TAFA2: variants seen among roughly 807,000 people sequenced by gnomAD.
TAFA2 encodes the protein chemokine-like protein TAFA-2.
TAFA2 carries 7 observed loss-of-function variants against 18.8 expected under a neutral mutation model. The observed-to-expected ratio is 0.37, with a 90% CI of 0.21 to 0.70. TAFA2 has a LOEUF of 0.70. TAFA2 is among the 30% of genes least tolerant of loss of function. The probability of loss-of-function intolerance (pLI) is 0.53; values close to 1 mark genes in which losing one functional copy is unlikely to be tolerated. For missense variants in TAFA2, 122 were observed against 158.1 expected (o/e 0.77, Z 1.23); for synonymous variants, 60 against 54.2 (o/e 1.11, Z -0.47).
chr12:61,738,943 G>C (rs1207836038), intron 4 of TAFA2, among the ~76,000 whole-genome samples: 1 of 152,060 alleles, frequency 6.6e-6, no homozygotes, highest in Non-Finnish European at 1.5e-5. Context: ...TGAGTTATGA[G>C]AAAACTGGCC....
At chr12:61,823,709 C>A (rs1872415749) in intron 2 of TAFA2, among the ~76,000 whole-genome samples, 1 of 152,174 alleles carries the variant, frequency 6.6e-6, no homozygotes. Context: ...TTCCTTCCCC[C>A]TCCAAACCCA....
At chr12:62,104,276 C>CAAA (rs66467365) in intron 1 of TAFA2, among the ~76,000 whole-genome samples, 20 of 145,906 alleles carry the variant, frequency 1.4e-4, no homozygotes, top group Non-Finnish European at 2.1e-4. Flanking sequence ...TCTTCTGAAG[C>CAAA]AAAAAAAAAA....
intron 1 of TAFA2, among the ~76,000 whole-genome samples, chr12:62,001,773 T>C (rs1215267192): frequency 6.6e-6 from 1 of 152,026 alleles, no homozygotes; most frequent in Non-Finnish European, 1.5e-5. Context: ...CCCTAATATA[T>C]AATGATTCAC....
At chr12:62,014,714 G>C (rs1475117971) in intron 1 of TAFA2, among the ~76,000 whole-genome samples, 3 of 152,152 alleles carry the variant, frequency 2.0e-5, no homozygotes, top group African/African-American at 7.2e-5. Flanking sequence ...AGGCCATAAA[G>C]AAACTTGAAG....
chr12:61,864,137 A>G lies in TAFA2; in HGVS notation c.106+3183T>C, dbSNP rs75481491. ...AAAAACCCTGCCTAAGACTCATGTC[A>G]TACGCAAATTGCCTCTGAAATAATA... On this transcript the variant is annotated intron_variant, in intron 2 of 4. Coordinates refer to ENST00000416284, the MANE Select transcript of TAFA2 (RefSeq NM_178539.5). Among the ~76,000 whole-genome samples, 593 of 152,264 alleles carry G rather than the reference A, an allele frequency of 3.9e-3. 2 individuals are homozygous for G. The highest frequency in any genetic ancestry group is 0.013 in the African/African-American group (553 of 41,558).
At chr12:61,763,076 A>C (rs1178863119) in intron 2 of TAFA2, among the ~76,000 whole-genome samples, 2 of 152,084 alleles carry the variant, frequency 1.3e-5, no homozygotes, top group Non-Finnish European at 2.9e-5. Context: ...AAAATAGCTC[A>C]TATTTTTTAG....
chr12:61,987,665 C>A (rs1202149446), intron 1 of TAFA2, among the ~76,000 whole-genome samples: 4 of 152,130 alleles, frequency 2.6e-5, no homozygotes, highest in African/African-American at 7.2e-5. Context: ...CCAAAAATAA[C>A]CTAATCTAAA....
chr12:61,741,819 C>T (rs1868466178), intron 4 of TAFA2, among the ~76,000 whole-genome samples: 1 of 152,112 alleles, frequency 6.6e-6, no homozygotes, highest in African/African-American at 2.4e-5. Flanking sequence ...AGAGTACATT[C>T]GATTTATCTT....
chr12:61,784,680 G>T (rs1870649839), intron 2 of TAFA2, among the ~76,000 whole-genome samples: 1 of 141,480 alleles, frequency 7.1e-6, no homozygotes. Context: ...GATGTATCTT[G>T]TGATATCTCC....
intron 1 of TAFA2, among the ~76,000 whole-genome samples, chr12:62,122,908 C>T (rs761698930): frequency 5.3e-5 from 8 of 152,132 alleles, no homozygotes; most frequent in Non-Finnish European, 1.0e-4. Context: ...CATGGCCTTT[C>T]TTATGTTGCT....
chr12:61,914,912 C>T (rs1876759864), intron 1 of TAFA2, among the ~76,000 whole-genome samples: 1 of 152,154 alleles, frequency 6.6e-6, no homozygotes, highest in African/African-American at 2.4e-5. Context: ...CCTGTAATCC[C>T]AGCACTTTGG....
At chr12:61,899,602 C>T (rs1876007943) in intron 1 of TAFA2, among the ~76,000 whole-genome samples, 1 of 152,136 alleles carries the variant, frequency 6.6e-6, no homozygotes, top group Non-Finnish European at 1.5e-5. Flanking sequence ...AATCTGTCTC[C>T]ATGATCCAAT....
chr12:61,852,046 G>GAAAACACA (rs1873691853), intron 2 of TAFA2, among the ~76,000 whole-genome samples: 1 of 151,060 alleles, frequency 6.6e-6, no homozygotes, highest in Admixed American at 6.6e-5. Context: ...TGTCTCTACT[G>GAAAACACA]AAAATACAAA....
Position 61,724,794 on chromosome 12 carries a change from T to TATACACCAGATTG in TAFA2, c.385-14378_385-14377insCAATCTGGTGTAT, listed in dbSNP as rs1255469826. 2.2e-4 allele frequency among the ~76,000 whole-genome samples: 28 copies of TATACACCAGATTG among 128,934 alleles called. 2 individuals carry two copies. The Middle Eastern group carries it at 0.016, about 73-fold the overall frequency. 84.6% of individuals were successfully genotyped at this position (128,934 alleles called of 152,430 possible). On this transcript the variant is annotated intron_variant, in intron 4 of 4. Coordinates refer to ENST00000416284, the MANE Select transcript of TAFA2 (RefSeq NM_178539.5). Reference sequence around the variant, plus strand: ...GTGTGTGTGTGTGTGTGTGTGTGTGTGTGTGTGTATACACCAGATGGGTGT... The same window carrying TATACACCAGATTG: ...GTGTGTGTGTGTGTGTGTGTGTGTGTATACACCAGATTGGTGTGTGTATACACCAGATGGGTGT...
chr12:61,827,514 C>A (rs1170345943), intron 2 of TAFA2, among the ~76,000 whole-genome samples: 2 of 151,790 alleles, frequency 1.3e-5, no homozygotes, highest in Non-Finnish European at 2.9e-5. Flanking sequence ...CATCTCAGAG[C>A]CGGAAAAGGG....
intron 1 of TAFA2, among the ~76,000 whole-genome samples, chr12:61,891,759 GA>G (rs1393418292): frequency 6.6e-6 from 1 of 152,078 alleles, no homozygotes; most frequent in Admixed American, 6.6e-5. Context: ...TAGAAATAGT[GA>G]AATAGAGAGA....
At chr12:61,861,734 T>C (rs544910407) in intron 2 of TAFA2, among the ~76,000 whole-genome samples, 1 of 152,334 alleles carries the variant, frequency 6.6e-6, no homozygotes, top group East Asian at 1.9e-4. Context: ...CTAAAAATCA[T>C]CTTTAAAATT....
At chr12:62,178,319 A>C (rs2062528331) in intron 1 of TAFA2, among the ~76,000 whole-genome samples, 1 of 152,148 alleles carries the variant, frequency 6.6e-6, no homozygotes, top group Non-Finnish European at 1.5e-5. Flanking sequence ...TGAAAAAAGA[A>C]AGAGACCTCA....
intron 1 of TAFA2, among the ~76,000 whole-genome samples, chr12:62,170,633 A>T (rs1041847134): frequency 6.6e-6 from 1 of 152,140 alleles, no homozygotes; most frequent in Non-Finnish European, 1.5e-5. Context: ...TTCTATTTGT[A>T]TCAATTTAAG....
Sources: gnomAD v4.1 joint callset for allele counts (sites outside exome capture counted in the v4.1 genomes callset) on GRCh38, gnomAD v4.1.1 for gene constraint, MANE v1.5 for transcripts, NCBI Gene and HGNC (gene_info 2026-07-23, HGNC 2026-07-21) for gene names.